Variants in PPARG observed in about 807,000 individuals in gnomAD.
PPARG encodes the protein peroxisome proliferator-activated receptor gamma.
A neutral mutation model predicts 39.2 loss-of-function variants in PPARG; 17 were observed. That is an observed-to-expected ratio of 0.43 (90% confidence interval 0.30 to 0.65). The LOEUF is 0.65. Ranked by LOEUF, PPARG falls within the 30% of genes least tolerant of loss-of-function variation. The probability of loss-of-function intolerance (pLI) is 0.13; values close to 1 mark genes in which losing one functional copy is unlikely to be tolerated. For synonymous variants in PPARG, 223 were observed against 215.7 expected (o/e 1.03, Z -0.30); for missense variants, 406 against 585.9 (o/e 0.69, Z 3.17).
chr3:12,316,006 C>T (rs368825619), intron 2 of PPARG, among the ~76,000 whole-genome samples: 35 of 152,154 alleles, frequency 2.3e-4, no homozygotes, highest in African/African-American at 8.4e-4. Context: ...AGAAGCAGAC[C>T]GTATTGTTTC....
At chr3:12,370,625 A>G (rs186656370) in intron 2 of PPARG, among the ~76,000 whole-genome samples, 122 of 152,332 alleles carry the variant, frequency 8.0e-4, no homozygotes, top group African/African-American at 2.9e-3. Context: ...AGCTCCTCAA[A>G]TATTGCACAC....
At chr3:12,413,003 C>T (rs1329147735) in intron 6 of PPARG, among the ~76,000 whole-genome samples, 1 of 152,090 alleles carries the variant, frequency 6.6e-6, no homozygotes, top group East Asian at 1.9e-4. Context: ...TTGGATGATA[C>T]TGTCCAAGCT....
intron 2 of PPARG, among the ~76,000 whole-genome samples, chr3:12,351,078 T>A (rs1422999510): frequency 6.6e-6 from 1 of 152,226 alleles, no homozygotes; most frequent in Non-Finnish European, 1.5e-5. Context: ...ATAATGTGAT[T>A]AGAGATTCAA....
At chr3:12,350,596 G>C (rs2048455362) in intron 2 of PPARG, among the ~76,000 whole-genome samples, 1 of 152,212 alleles carries the variant, frequency 6.6e-6, no homozygotes, top group Admixed American at 6.5e-5. Flanking sequence ...ATTTGGCACA[G>C]CTAGTATTTC....
At chr3:12,320,207 T>A (rs1394493365) in intron 2 of PPARG, among the ~76,000 whole-genome samples, 1 of 152,238 alleles carries the variant, frequency 6.6e-6, no homozygotes, top group Non-Finnish European at 1.5e-5. Flanking sequence ...TGGACATTTA[T>A]GTATATATAC....
intron 2 of PPARG, chr3:12,328,209 CT>C (rs1263591560): frequency 1.3e-6 from 2 of 1,492,524 alleles, no homozygotes; most frequent in East Asian, 4.6e-5. Context: ...AAAGTCCTAC[CT>C]GGAGCGGAGC....
chr3:12,348,617 G>A (rs1235702720), intron 2 of PPARG, among the ~76,000 whole-genome samples: 1 of 152,150 alleles, frequency 6.6e-6, no homozygotes, highest in Non-Finnish European at 1.5e-5. Context: ...TAGGAGAGAT[G>A]GCCCTCTTCT....
At chr3:12,432,502 A>G (rs1419402309) in intron 7 of PPARG, among the ~76,000 whole-genome samples, 1 of 152,242 alleles carries the variant, frequency 6.6e-6, no homozygotes, top group East Asian at 1.9e-4. Context: ...GGAGTAAAAC[A>G]TGTTCTCCAT....
At chr3:12,327,596 C>T (rs868395766) in intron 2 of PPARG, among the ~76,000 whole-genome samples, 6 of 152,072 alleles carry the variant, frequency 3.9e-5, no homozygotes, top group African/African-American at 7.2e-5. Context: ...AGGCAGCTGG[C>T]GCAGATGCTT....
chr3:12,311,849 T>C (rs909701368), intron 1 of PPARG, among the ~76,000 whole-genome samples: 6 of 152,216 alleles, frequency 3.9e-5, no homozygotes, highest in African/African-American at 1.4e-4. Context: ...TGCATTTGCC[T>C]TGCCTAAGTG....
intron 7 of PPARG, among the ~76,000 whole-genome samples, chr3:12,428,498 G>A (rs113173893): frequency 0.017 from 2,538 of 152,368 alleles, 26 homozygotes; most frequent in Middle Eastern, 0.027. Flanking sequence ...TGCAGGGAGA[G>A]GATCTCAGGT....
At chr3:12,305,419 G>A (rs1172768626) in intron 1 of PPARG, among the ~76,000 whole-genome samples, 2 of 152,162 alleles carry the variant, frequency 1.3e-5, no homozygotes, top group African/African-American at 4.8e-5. Context: ...CTTCAAATTG[G>A]TAGAAGGAGG....
intron 4 of PPARG, among the ~76,000 whole-genome samples, chr3:12,388,536 A>G (rs2049960616): frequency 6.6e-6 from 1 of 152,202 alleles, no homozygotes; most frequent in Non-Finnish European, 1.5e-5. Flanking sequence ...AATAGTCATA[A>G]GTCAGTAACA....
chr3:12,291,391 C>A (rs562641579), intron 1 of PPARG, among the ~76,000 whole-genome samples: 2 of 151,000 alleles, frequency 1.3e-5, no homozygotes, highest in East Asian at 1.9e-4. Flanking sequence ...ATATCCCCAG[C>A]GTATCAACTT....
chr3:12,429,427 G>A (rs1203711080), intron 7 of PPARG, among the ~76,000 whole-genome samples: 1 of 152,050 alleles, frequency 6.6e-6, no homozygotes, highest in Non-Finnish European at 1.5e-5. Context: ...TGCTCAAGAG[G>A]AAGGAGGAGG....
intron 5 of PPARG, among the ~76,000 whole-genome samples, chr3:12,393,190 A>ATTT (rs143287325): frequency 8.4e-4 from 94 of 111,440 alleles, no homozygotes; most frequent in Non-Finnish European, 1.3e-3. Context: ...GATTCATTTA[A>ATTT]TTTTTTTTTT....
Position 12,315,747 on chromosome 3 carries a change from C to T in PPARG, c.-9+3294C>T, listed in dbSNP as rs113095567. 1.4e-3 allele frequency among the ~76,000 whole-genome samples: 218 copies of T among 152,308 alleles called. 1 individual carries two copies. The highest frequency in any genetic ancestry group is 5.1e-3 in the African/African-American group (213 of 41,574). On this transcript the variant is annotated intron_variant, in intron 2 of 7. Transcript: ENST00000651735. ...ACTTAATACTTTAGCCAGTTGCTTACAGCCCTCTAGAAACCTGTGAGTGGG... is the reference window on the plus strand; with the variant it reads ...ACTTAATACTTTAGCCAGTTGCTTATAGCCCTCTAGAAACCTGTGAGTGGG...
Position 12,416,958 on chromosome 3 carries a change from G to A in PPARG, c.984G>A (p.Leu328=), listed in dbSNP as rs1350455359. The change falls in exon 7 of 8, where the codon CTG becomes CTA. Residue 328 remains leucine (L), a synonymous_variant. Transcript: ENST00000651735. ...TCCACGAGATCATTTACACAATGCT[G>A]GCCTCCTTGATGAATAAAGATGGGG... The part of the protein sequence containing the change: ...YGVHEIIYTM[L]ASLMNKDGVL... 2.5e-6 allele frequency: 4 copies of A among 1,614,042 alleles called. No homozygotes were observed. The highest frequency in any genetic ancestry group is 3.4e-6 in the Non-Finnish European group (4 of 1,179,996).
intron 1 of PPARG, among the ~76,000 whole-genome samples, chr3:12,303,653 A>C (rs563718358): frequency 2.6e-5 from 4 of 152,312 alleles, no homozygotes; most frequent in African/African-American, 7.2e-5. Flanking sequence ...CTAGGAATTA[A>C]AGGGAGGTCT....
Sources: allele counts gnomAD v4.1 joint callset (sites outside exome capture counted in the v4.1 genomes callset), GRCh38; gene constraint gnomAD v4.1.1; transcripts MANE v1.5; gene names NCBI Gene and HGNC (gene_info 2026-07-23, HGNC 2026-07-21).